The following HIGD1C variants were observed in gnomAD, a reference collection of about 807,000 sequenced individuals.
HIGD1C encodes HIG1 hypoxia inducible domain family member 1C.
In HIGD1C, 11 loss-of-function variants were observed where a neutral mutation model predicts 13.1. The ratio of observed to expected loss-of-function variants is 0.84; its 90% CI spans 0.53 to 1.39. The LOEUF (loss-of-function observed/expected upper bound fraction) is 1.39, where lower values mean the gene tolerates loss of function less well. Ranked by LOEUF, HIGD1C falls within the 40% of genes most tolerant of loss-of-function variation. HIGD1C has a pLI of 0.00. For missense variants in HIGD1C, 110 were observed against 112.0 expected (o/e 0.98, Z 0.08); for synonymous variants, 36 against 37.7 (o/e 0.95, Z 0.17).
At chr12:50,965,259 G>T (rs1167036295) in intron 2 of HIGD1C, among the ~76,000 whole-genome samples, 1 of 151,276 alleles carries the variant, frequency 6.6e-6, no homozygotes, top group Non-Finnish European at 1.5e-5. Flanking sequence ...GACTACACGT[G>T]TGCACCACCA....
At position 50,967,036 on chromosome 12, in the gene HIGD1C, C is replaced by T. The variant is rs559689277; in HGVS notation, c.230-3406C>T. The stretch of plus-strand genomic sequence containing the variant: ...GGAGGCTGAGGTAGAATCACTTGAA[C>T]CCAGGAGGCAGAGGTTGCAGTAGGC... On this transcript the variant is annotated intron_variant, in intron 2 of 2. Transcript: ENST00000398455. Among the ~76,000 whole-genome samples the T allele has an allele frequency of 8.4e-4, 127 of 151,990 alleles. 1 individual carries two copies. Among genetic ancestry groups the T allele is most frequent in the Non-Finnish European group, 8.8e-4 (60 of 67,978 alleles).
the HIGD1C span, among the ~76,000 whole-genome samples, chr12:50,944,479 A>G: frequency 5.3e-5 from 8 of 152,324 alleles, no homozygotes; most frequent in East Asian, 1.5e-3. Context: ...AACATGTCTC[A>G]AAAAGGGTGG....
the HIGD1C span, among the ~76,000 whole-genome samples, chr12:50,941,437 T>TA: frequency 6.6e-6 from 1 of 152,214 alleles, no homozygotes; most frequent in East Asian, 1.9e-4. Context: ...ACATTGGCCT[T>TA]ACGTTTGCAC....
At chr12:50,950,164 G>A (rs1386800505), upstream of HIGD1C, among the ~76,000 whole-genome samples, 4 of 152,136 alleles carry the variant, frequency 2.6e-5, no homozygotes, top group South Asian at 8.3e-4. Flanking sequence ...TCAAATGGGA[G>A]GGTCCAGGTA....
chr12:50,956,688 A>G (rs758167582), intron 1 of HIGD1C, among the ~76,000 whole-genome samples: 4 of 152,146 alleles, frequency 2.6e-5, no homozygotes, highest in Non-Finnish European at 2.9e-5. Context: ...ATTTCTGTGT[A>G]TTAATACTCC....
intron 2 of HIGD1C, among the ~76,000 whole-genome samples, chr12:50,966,612 G>A (rs972390652): frequency 5.9e-5 from 9 of 152,170 alleles, no homozygotes; most frequent in Admixed American, 2.6e-4. Context: ...ACTCTACCAA[G>A]GAAGTTCTGG....
At chr12:50,931,241 T>C in the HIGD1C span, 2 of 152,138 alleles carry the variant, frequency 1.3e-5, no homozygotes, top group African/African-American at 4.8e-5. Flanking sequence ...TTTTATCTTC[T>C]CTTTGAGAGC....
At chr12:50,954,937 C>T (rs1939036370) in intron 1 of HIGD1C, among the ~76,000 whole-genome samples, 1 of 151,944 alleles carries the variant, frequency 6.6e-6, no homozygotes, top group African/African-American at 2.4e-5. Context: ...TCTGTGCTGG[C>T]TTCTTGGTGT....
At chr12:50,950,727 A>C (rs1043415142), upstream of HIGD1C, among the ~76,000 whole-genome samples, 3 of 125,708 alleles carry the variant, frequency 2.4e-5, no homozygotes, top group African/African-American at 9.5e-5. Flanking sequence ...CCCAGGCTGG[A>C]GTGCAGTGGT....
the HIGD1C span, among the ~76,000 whole-genome samples, chr12:50,941,794 G>C: frequency 1.3e-5 from 2 of 152,118 alleles, no homozygotes; most frequent in Non-Finnish European, 2.9e-5. Flanking sequence ...TCTGTTTCTG[G>C]CTATCAACCA....
chr12:50,963,310 C>T (rs1441605277), intron 2 of HIGD1C, among the ~76,000 whole-genome samples: 1 of 133,156 alleles, frequency 7.5e-6, no homozygotes, highest in Non-Finnish European at 1.5e-5. Flanking sequence ...GCGGAGGCTG[C>T]AGTGAACCAA....
At chr12:50,965,761 C>T (rs968014849) in intron 2 of HIGD1C, among the ~76,000 whole-genome samples, 3 of 152,184 alleles carry the variant, frequency 2.0e-5, no homozygotes, top group African/African-American at 7.2e-5. Context: ...CCTTGGTGAA[C>T]AGGTACCCTG....
intron 2 of HIGD1C, among the ~76,000 whole-genome samples, chr12:50,963,116 T>C (rs945202793): frequency 2.0e-5 from 3 of 151,884 alleles, no homozygotes; most frequent in Non-Finnish European, 2.9e-5. Flanking sequence ...GCACCTGTAA[T>C]CCCAGCACTT....
At chr12:50,936,947 T>C in the HIGD1C span, among the ~76,000 whole-genome samples, 1 of 152,280 alleles carries the variant, frequency 6.6e-6, no homozygotes, top group African/African-American at 2.4e-5. Context: ...CAAAGCATTC[T>C]CTGGCTATTT....
chr12:50,958,639 A>G (rs756727913), intron 1 of HIGD1C, among the ~76,000 whole-genome samples: 2 of 152,096 alleles, frequency 1.3e-5, no homozygotes, highest in Non-Finnish European at 2.9e-5. Context: ...GCTGATATTA[A>G]GGCTTACTAT....
At chr12:50,938,217 C>CCT in the HIGD1C span, among the ~76,000 whole-genome samples, 1 of 149,204 alleles carries the variant, frequency 6.7e-6, no homozygotes, top group South Asian at 2.2e-4. Flanking sequence ...CCCCCCTACA[C>CCT]ACCCCTCGGT....
chr12:50,948,888 A>G, the HIGD1C span, among the ~76,000 whole-genome samples: 3 of 1,180 alleles, frequency 2.5e-3, no homozygotes, highest in Non-Finnish European at 2.6e-3. Flanking sequence ...GGGGGAGGGG[A>G]GGGGGAGGGG....
intron 1 of HIGD1C, among the ~76,000 whole-genome samples, chr12:50,957,399 A>T (rs1353968733): frequency 1.3e-5 from 2 of 151,480 alleles, no homozygotes; most frequent in Non-Finnish European, 2.9e-5. Flanking sequence ...GGGTTTTACC[A>T]TGTTGACCAG....
At chr12:50,968,343 C>A (rs1939623645) in intron 2 of HIGD1C, among the ~76,000 whole-genome samples, 1 of 152,096 alleles carries the variant, frequency 6.6e-6, no homozygotes, top group African/African-American at 2.4e-5. Context: ...GACTTACTGC[C>A]TCCCAACTTA....
Sources: gnomAD v4.1 joint callset for allele counts (sites outside exome capture counted in the v4.1 genomes callset) on GRCh38, gnomAD v4.1.1 for gene constraint, MANE v1.5 for transcripts, NCBI Gene and HGNC (gene_info 2026-07-23, HGNC 2026-07-21) for gene names.